The following SSBP3 variants were observed in gnomAD, a reference collection of about 807,000 sequenced individuals.
The protein encoded by SSBP3 is single stranded DNA binding protein 3.
A neutral mutation model predicts 69.6 loss-of-function variants in SSBP3; 5 were observed. The observed-to-expected ratio is 0.07, with a 90% CI of 0.04 to 0.15. The LOEUF (loss-of-function observed/expected upper bound fraction) is 0.15, where lower values mean the gene tolerates loss of function less well. SSBP3 is among the 10% of genes least tolerant of loss of function. The pLI is 1.00. For missense variants in SSBP3, 312 were observed against 534.0 expected, an observed-to-expected ratio of 0.58 and a Z score of 4.10; for synonymous variants, 196 against 193.4, an observed-to-expected ratio of 1.01 and a Z score of -0.11.
At chr1:54,259,162 C>A (rs529788647) in intron 5 of SSBP3, among the ~76,000 whole-genome samples, 1 of 151,964 alleles carries the variant, frequency 6.6e-6, no homozygotes, top group Admixed American at 6.6e-5. Context: ...TGACCTCGAC[C>A]CCCCTACCCC....
exon 18 of SSBP3, chr1:54,225,590 C>A (rs1644273382): frequency 6.7e-6 from 3 of 449,480 alleles, no homozygotes. Context: ...ATAATCCGCA[C>A]AAAGTCTTTT....
Position 54,313,870 on chromosome 1 carries a change from G to A in SSBP3, c.277-32343C>T, listed in dbSNP as rs995109625. On this transcript the variant is annotated intron_variant, in intron 4 of 17. Coordinates refer to ENST00000610401, the Ensembl canonical transcript of SSBP3. ...CAACCTCCGCCTCCCAGGTTCAAGCGATTCTCCTGCCTCAGTCTCCCAAGT... is the reference window on the plus strand; with the variant it reads ...CAACCTCCGCCTCCCAGGTTCAAGCAATTCTCCTGCCTCAGTCTCCCAAGT... Among the ~76,000 whole-genome samples, 3 of 151,938 alleles carry A rather than the reference G, an allele frequency of 2.0e-5. No individual in the cohort carries two copies. In the East Asian group the frequency reaches 5.8e-4, roughly 29 times the overall value.
intron 4 of SSBP3, among the ~76,000 whole-genome samples, chr1:54,303,796 A>G (rs1645846594): frequency 6.6e-6 from 1 of 152,230 alleles, no homozygotes; most frequent in African/African-American, 2.4e-5. Flanking sequence ...AAAAGATGTC[A>G]TTAATGATTT....
At chr1:54,248,034 T>G (rs1342060577) in intron 9 of SSBP3, among the ~76,000 whole-genome samples, 1 of 152,206 alleles carries the variant, frequency 6.6e-6, no homozygotes, top group African/African-American at 2.4e-5. Context: ...GGCTGACATG[T>G]GACACAGACT....
At chr1:54,368,607 A>T (rs1338989556) in intron 4 of SSBP3, among the ~76,000 whole-genome samples, 1 of 152,182 alleles carries the variant, frequency 6.6e-6, no homozygotes, top group African/African-American at 2.4e-5. Context: ...GTCTTTTTTT[A>T]AATCCATCTA....
At chr1:54,239,842 G>A (rs889140799) in intron 13 of SSBP3, among the ~76,000 whole-genome samples, 3 of 152,148 alleles carry the variant, frequency 2.0e-5, no homozygotes, top group South Asian at 2.1e-4. Context: ...AGGAGGGGGC[G>A]GGGGAGAGTC....
chr1:54,308,445 C>T (rs1317758402), intron 4 of SSBP3, among the ~76,000 whole-genome samples: 2 of 152,158 alleles, frequency 1.3e-5, no homozygotes, highest in East Asian at 3.9e-4. Context: ...ACTAAAAATA[C>T]AAAAAATTAG....
chr1:54,384,494 A>G (rs1647932767), intron 4 of SSBP3, among the ~76,000 whole-genome samples: 1 of 152,244 alleles, frequency 6.6e-6, no homozygotes, highest in East Asian at 1.9e-4. Flanking sequence ...CTCAGTTTAC[A>G]AGACCCACCA....
chr1:54,242,844 G>A (rs1644664383), intron 10 of SSBP3: 1 of 173,484 alleles, frequency 5.8e-6, no homozygotes. Flanking sequence ...CAGCTACTCA[G>A]GAGGCTGAGG....
chr1:54,233,676 C>T (rs1570194299), intron 14 of SSBP3, among the ~76,000 whole-genome samples: 1 of 148,030 alleles, frequency 6.8e-6, no homozygotes, highest in African/African-American at 2.5e-5. Context: ...AGTGAGGAGC[C>T]CCTCTGCCCG....
At chr1:54,316,409 G>A (rs1646099181) in intron 4 of SSBP3, among the ~76,000 whole-genome samples, 2 of 149,922 alleles carry the variant, frequency 1.3e-5, no homozygotes, top group East Asian at 2.0e-4. Context: ...GGAGGCCGAG[G>A]CGGGTGGATC....
chr1:54,346,325 C>CAA (rs879480958), intron 4 of SSBP3, among the ~76,000 whole-genome samples: 4 of 121,912 alleles, frequency 3.3e-5, no homozygotes, highest in Non-Finnish European at 5.3e-5. Context: ...ACTCCATCTC[C>CAA]AAAAAAAAAA....
chr1:54,233,311 G>A (rs1224204870), intron 14 of SSBP3, among the ~76,000 whole-genome samples: 3 of 112,240 alleles, frequency 2.7e-5, no homozygotes, highest in South Asian at 3.2e-4. Flanking sequence ...GCCCGGCCGC[G>A]ACCCCGTCTG....
At chr1:54,242,526 C>T (rs989171340) in intron 10 of SSBP3, among the ~76,000 whole-genome samples, 1 of 152,196 alleles carries the variant, frequency 6.6e-6, no homozygotes, top group Non-Finnish European at 1.5e-5. Flanking sequence ...ATCACAAATG[C>T]ACTAGAGAAC....
chr1:54,287,555 C>T (rs530932391), intron 4 of SSBP3, among the ~76,000 whole-genome samples: 34 of 152,124 alleles, frequency 2.2e-4, no homozygotes, highest in African/African-American at 3.6e-4. Flanking sequence ...CTCCAAGTGA[C>T]GCCTGTCTGG....
chr1:54,230,030 G>A (rs72908099), intron 14 of SSBP3, among the ~76,000 whole-genome samples: 2,008 of 152,308 alleles, frequency 0.013, 44 homozygotes, highest in African/African-American at 0.046. Flanking sequence ...AGCCCATCGC[G>A]GAAATCACTC....
intron 4 of SSBP3, among the ~76,000 whole-genome samples, chr1:54,369,331 A>C (rs1170188112): frequency 6.8e-6 from 1 of 147,744 alleles, no homozygotes; most frequent in African/African-American, 2.5e-5. Flanking sequence ...ACAAACTGGG[A>C]GGCCTGCCTA....
chr1:54,339,713 G>C (rs1181467362), intron 4 of SSBP3, among the ~76,000 whole-genome samples: 1 of 151,972 alleles, frequency 6.6e-6, no homozygotes, highest in South Asian at 2.1e-4. Flanking sequence ...AGGAGTTCGA[G>C]ACCAGCCTGG....
At chr1:54,308,405 T>C (rs552804805) in intron 4 of SSBP3, among the ~76,000 whole-genome samples, 1 of 151,410 alleles carries the variant, frequency 6.6e-6, no homozygotes, top group Non-Finnish European at 1.5e-5. Context: ...ATCGAGACCA[T>C]CCTGGCTAAC....
Sources: gnomAD v4.1 joint callset for allele counts (sites outside exome capture counted in the v4.1 genomes callset) on GRCh38, gnomAD v4.1.1 for gene constraint, MANE v1.5 for transcripts, NCBI Gene and HGNC (gene_info 2026-07-23, HGNC 2026-07-21) for gene names.